MAGI1: variants seen among roughly 807,000 people sequenced by gnomAD.
MAGI1 encodes the protein membrane associated guanylate kinase, WW and PDZ domain containing 1, also known as membrane-associated guanylate kinase, WW and PDZ domain-containing protein 1.
In MAGI1, 58 loss-of-function variants were observed where a neutral mutation model predicts 139.9. That is an observed-to-expected ratio of 0.41 (90% CI 0.34 to 0.52). The LOEUF is 0.52. Ranked by LOEUF, MAGI1 falls within the 20% of genes least tolerant of loss-of-function variation. MAGI1 has a pLI of 0.12. For synonymous variants in MAGI1, 812 were observed against 737.9 expected (o/e 1.10, Z -1.63); for missense variants, 1,874 against 1,901.6 (o/e 0.99, Z 0.27).
At chr3:65,364,476 TATTTTAAGGTAGTAAAA>T (rs1275596974) in intron 20 of MAGI1, among the ~76,000 whole-genome samples, 172 bp downstream of exon 20, 1 of 152,210 alleles carries the variant, frequency 6.6e-6, no homozygotes, top group Non-Finnish European at 1.5e-5. Flanking sequence ...TATCTAGGAA[TATTTTAAGGTAGTAAAA>T]TAACATGTTA....
At chr3:65,907,134 T>A (rs1408870196) in intron 1 of MAGI1, among the ~76,000 whole-genome samples, 1 of 152,044 alleles carries the variant, frequency 6.6e-6, no homozygotes, top group African/African-American at 2.4e-5. Flanking sequence ...TTAACATGAA[T>A]TCTACTCTAC....
chr3:65,415,680 A>G (rs550710656), intron 12 of MAGI1, among the ~76,000 whole-genome samples: 2 of 152,322 alleles, frequency 1.3e-5, no homozygotes, highest in Admixed American at 1.3e-4. Context: ...TTTGTACCTA[A>G]ACAAACAGAA....
At chr3:65,799,129 T>C (rs973516390) in intron 1 of MAGI1, among the ~76,000 whole-genome samples, 28 of 152,302 alleles carry the variant, frequency 1.8e-4, no homozygotes, top group African/African-American at 5.8e-4. Flanking sequence ...AAAAAAATCA[T>C]ATGCTGAGGT....
chr3:65,363,511 A>G lies in MAGI1; in HGVS notation c.3449T>C (p.Leu1150Pro). 2 of 1,614,112 alleles carry G rather than the reference A, an allele frequency of 1.2e-6. No homozygotes were observed. The highest frequency in any genetic ancestry group is 1.7e-6 in the Non-Finnish European group (2 of 1,179,962). Reference sequence around the variant, plus strand: ...CGCAGGACCGTCCTCTGCTAAGCGCAGAACATAGAGGTCCATGTTATACTC... The same window carrying G: ...CGCAGGACCGTCCTCTGCTAAGCGCGGAACATAGAGGTCCATGTTATACTC... ...GREYNMDLYVLRLAEDGPAER... is the reference protein window; with the variant it reads ...GREYNMDLYVPRLAEDGPAER... Residue 1150 changes from leucine to proline, a missense_variant, in exon 21 of 23, where the codon CTG becomes CCG. Coordinates refer to ENST00000402939, the MANE Select transcript of MAGI1 (RefSeq NM_001033057.2).
chr3:65,602,555 T>C (rs1421283911), intron 2 of MAGI1, among the ~76,000 whole-genome samples: 1 of 152,102 alleles, frequency 6.6e-6, no homozygotes, highest in African/African-American at 2.4e-5. Context: ...GGAAATGGGA[T>C]GTGACTATTA....
chr3:65,900,530 T>G (rs2061180620), intron 1 of MAGI1, among the ~76,000 whole-genome samples: 1 of 152,204 alleles, frequency 6.6e-6, no homozygotes, highest in South Asian at 2.1e-4. Context: ...TAGCCATATC[T>G]GTCTGTCCAA....
At chr3:65,473,491 C>G (rs751017889) in intron 4 of MAGI1, among the ~76,000 whole-genome samples, 4 of 151,938 alleles carry the variant, frequency 2.6e-5, no homozygotes, top group Non-Finnish European at 5.9e-5. Flanking sequence ...AGGCAGTAAA[C>G]TGTTAGGATG....
intron 12 of MAGI1, among the ~76,000 whole-genome samples, chr3:65,422,185 T>G (rs936132877): frequency 1.3e-5 from 2 of 152,242 alleles, no homozygotes; most frequent in African/African-American, 2.4e-5. Flanking sequence ...TATGGAGCTC[T>G]TGAAGTGCGG....
At chr3:65,489,910 T>A (rs530424342) in intron 3 of MAGI1, among the ~76,000 whole-genome samples, 40 of 152,318 alleles carry the variant, frequency 2.6e-4, no homozygotes, top group African/African-American at 9.6e-4. Context: ...ACTTAAACAT[T>A]TATATATGTC....
intron 13 of MAGI1, among the ~76,000 whole-genome samples, chr3:65,394,287 T>G (rs976117968): frequency 6.6e-6 from 1 of 152,166 alleles, no homozygotes; most frequent in Non-Finnish European, 1.5e-5. Context: ...AGGTCCAATT[T>G]AACACCAAAT....
At chr3:65,621,248 C>G (rs1208121820) in intron 2 of MAGI1, among the ~76,000 whole-genome samples, 1 of 152,162 alleles carries the variant, frequency 6.6e-6, no homozygotes, top group African/African-American at 2.4e-5. Flanking sequence ...CAACCAGGAA[C>G]ACAGTGTGCC....
chr3:65,837,410 T>C (rs72907584), intron 1 of MAGI1, among the ~76,000 whole-genome samples: 2,245 of 152,224 alleles, frequency 0.015, 54 homozygotes, highest in African/African-American at 0.051. Flanking sequence ...CTCCCAGAGA[T>C]AGGAGAGTTC....
intron 1 of MAGI1, among the ~76,000 whole-genome samples, chr3:65,798,062 T>C (rs1292473378): frequency 2.0e-5 from 3 of 152,080 alleles, no homozygotes; most frequent in Non-Finnish European, 4.4e-5. Flanking sequence ...TCCCAGCACT[T>C]TGGGAGGCCA....
intron 1 of MAGI1, among the ~76,000 whole-genome samples, chr3:65,768,716 G>A (rs1364641415): frequency 6.6e-6 from 1 of 152,168 alleles, no homozygotes; most frequent in African/African-American, 2.4e-5. Context: ...TTTTCCAGTT[G>A]TGGTAGAACA....
At chr3:65,463,558 ATGTGTG>A (rs56135171) in intron 5 of MAGI1, among the ~76,000 whole-genome samples, 2,360 of 140,798 alleles carry the variant, frequency 0.017, 40 homozygotes, top group African/African-American at 0.039. Flanking sequence ...TTGGCCTGAA[ATGTGTG>A]TGTGTGTGTG....
intron 2 of MAGI1, chr3:65,609,837 A>G (rs1277529028): frequency 1.1e-5 from 3 of 270,354 alleles, no homozygotes; most frequent in Non-Finnish European, 2.3e-5. Context: ...TTGGCTTCCC[A>G]AAGTGTTGGG....
At chr3:65,377,859 A>T (rs1187666259) in intron 17 of MAGI1, among the ~76,000 whole-genome samples, 1 of 152,186 alleles carries the variant, frequency 6.6e-6, no homozygotes, top group Non-Finnish European at 1.5e-5. Flanking sequence ...GTTAAACATA[A>T]AACTTACGGG....
chr3:65,560,414 T>C (rs1270325273), intron 2 of MAGI1, among the ~76,000 whole-genome samples: 5 of 152,212 alleles, frequency 3.3e-5, no homozygotes, highest in African/African-American at 9.6e-5. Context: ...CATAAATACA[T>C]ATACCTACTA....
chr3:65,797,239 G>C (rs1379291399), intron 1 of MAGI1, among the ~76,000 whole-genome samples: 2 of 152,164 alleles, frequency 1.3e-5, no homozygotes, highest in South Asian at 2.1e-4. Flanking sequence ...ATTTTCAAAA[G>C]AAAGAGTGGA....
Sources: allele counts gnomAD v4.1 joint callset (sites outside exome capture counted in the v4.1 genomes callset), GRCh38; gene constraint gnomAD v4.1.1; transcripts MANE v1.5; gene names NCBI Gene and HGNC (gene_info 2026-07-23, HGNC 2026-07-21).